VIRMA: variants seen among roughly 807,000 people sequenced by gnomAD.
VIRMA encodes the protein protein virilizer homolog.
Under a neutral mutation model 182.4 loss-of-function variants are expected in VIRMA, and 65 were observed. The observed-to-expected ratio is 0.36, with a 90% CI of 0.29 to 0.44. VIRMA has a LOEUF of 0.44. Among genes scored for constraint, VIRMA ranks in the 20% least tolerant of loss-of-function variants. The probability of loss-of-function intolerance (pLI) is 1.00; values close to 1 mark genes in which losing one functional copy is unlikely to be tolerated. For missense variants in VIRMA, 1,752 were observed against 2,158.1 expected, an observed-to-expected ratio of 0.81 and a Z score of 3.73; for synonymous variants, 709 against 743.1, an observed-to-expected ratio of 0.95 and a Z score of 0.75.
At chr8:94,544,910 G>C (rs1159147014) in intron 1 of VIRMA, among the ~76,000 whole-genome samples, 1 of 151,880 alleles carries the variant, frequency 6.6e-6, no homozygotes, top group South Asian at 2.1e-4. Context: ...GAATAGCCGA[G>C]ATAAACCCCT....
chr8:94,504,734 A>G (rs1814097955), intron 16 of VIRMA, among the ~76,000 whole-genome samples: 1 of 152,200 alleles, frequency 6.6e-6, no homozygotes, highest in African/African-American at 2.4e-5. Context: ...AAGAGGGATC[A>G]GATTCAGGAT....
In VIRMA at chr8:94,534,922, T is replaced by C. The variant is rs143155767; in HGVS notation, c.401A>G (p.His134Arg). ...TGGTGGTGGTGGAGAGTCTCTGTCA[T>C]GACTTATCACTCTATCCACTGATCC... ...IYGSVDRVIS[H>R]DRDSPPPPPP... The change falls in exon 5 of 24, where the codon CAT becomes CGT. Residue 134 changes from histidine (H) to arginine (R), a missense_variant. Around this residue, in one of 11 missense-constraint regions of VIRMA, gnomAD observed 195 missense variants for 191.7 expected, o/e 1.02. Transcript: ENST00000297591. 4 of 1,613,826 alleles carry C rather than the reference T, an allele frequency of 2.5e-6. No homozygotes were observed. Among genetic ancestry groups the C allele is most frequent in the Non-Finnish European group, 3.4e-6 (4 of 1,179,964 alleles).
At chr8:94,549,655 G>A (rs1183965277) in intron 1 of VIRMA, among the ~76,000 whole-genome samples, 1 of 152,162 alleles carries the variant, frequency 6.6e-6, no homozygotes, top group Non-Finnish European at 1.5e-5. Context: ...CCTCTCCTAC[G>A]TAGTTCCACT....
At chr8:94,522,016 T>C (rs1814788986) in intron 8 of VIRMA, among the ~76,000 whole-genome samples, 1 of 152,218 alleles carries the variant, frequency 6.6e-6, no homozygotes, top group Non-Finnish European at 1.5e-5. Context: ...TGGTTCCTTG[T>C]GCCTAAATTA....
intron 6 of VIRMA, among the ~76,000 whole-genome samples, chr8:94,529,622 ATTTTATTTATTAT>A (rs1815091256): frequency 6.9e-6 from 1 of 145,782 alleles, no homozygotes; most frequent in Non-Finnish European, 1.5e-5. Context: ...TTTTTATTTT[ATTTTATTTATTAT>A]TTTTATTTAT....
At chr8:94,530,077 C>T (rs1367394793) in intron 6 of VIRMA, among the ~76,000 whole-genome samples, 1 of 152,184 alleles carries the variant, frequency 6.6e-6, no homozygotes, top group South Asian at 2.1e-4. Flanking sequence ...GCATGAGCCA[C>T]CACACCCAGC....
At chr8:94,502,205 T>G (rs1814012037) in intron 16 of VIRMA, among the ~76,000 whole-genome samples, 1 of 152,090 alleles carries the variant, frequency 6.6e-6, no homozygotes, top group African/African-American at 2.4e-5. Context: ...CTTTTTTAAG[T>G]TGCATGAAAT....
chr8:94,496,140 G>A (rs929451757), intron 18 of VIRMA, 188 bp downstream of exon 18: 2 of 630,960 alleles, frequency 3.2e-6, no homozygotes, highest in South Asian at 4.8e-5. Context: ...CCGTCTTCAT[G>A]TACTCCTTAA....
chr8:94,534,699 CCCTCTCTCCCCCTCTCTT>C (rs1419140124), intron 5 of VIRMA, 122 bp downstream of exon 5: 3 of 900,362 alleles, frequency 3.3e-6, no homozygotes, highest in Non-Finnish European at 5.0e-6. Flanking sequence ...TCTCCTCCCT[CCCTCTCTCCCCCTCTCTT>C]CCTCTCTCCC....
In VIRMA at chr8:94,499,367, T is replaced by C. The variant is rs1443760659; in HGVS notation, c.4230+7A>G. On this transcript the variant is annotated splice_region_variant and intron_variant, in intron 17 of 23. Coordinates refer to ENST00000297591, the MANE Select transcript of VIRMA (RefSeq NM_015496.5). ...ATATACACAAACACAAACACACACA[T>C]ACTTACAATTGTGTCAGAGTTAAGA... The C allele has an allele frequency of 6.5e-7, 1 of 1,535,234 alleles. No homozygotes were observed. The highest frequency in any genetic ancestry group is 8.8e-7 in the Non-Finnish European group (1 of 1,135,292).
chr8:94,510,681 G>A lies in VIRMA; in HGVS notation c.3391-29C>T, dbSNP rs747772592. On this transcript the variant is annotated intron_variant, in intron 13 of 23. Coordinates refer to ENST00000297591, the MANE Select transcript of VIRMA (RefSeq NM_015496.5). ...TTAAAAAAGTATAATGTGTGTGTACGTAGATTTTTTAATATTTATTTATAG... is the reference window on the plus strand; with the variant it reads ...TTAAAAAAGTATAATGTGTGTGTACATAGATTTTTTAATATTTATTTATAG... 5.4e-5 allele frequency: 80 copies of A among 1,490,880 alleles called. 1 individual carries two copies. The East Asian group carries it at 6.6e-4, about 12-fold the overall frequency. 92.4% of individuals were successfully genotyped at this position (1,490,880 alleles called of 1,614,324 possible).
intron 1 of VIRMA, chr8:94,547,128 C>A: frequency 2.4e-6 from 1 of 411,198 alleles, no homozygotes; most frequent in South Asian, 1.8e-5. Context: ...TGCCTCTTAT[C>A]TCTCCCATTA....
intron 1 of VIRMA, among the ~76,000 whole-genome samples, chr8:94,551,252 A>G (rs1815977274): frequency 6.6e-6 from 1 of 152,226 alleles, no homozygotes; most frequent in Non-Finnish European, 1.5e-5. Context: ...TCAAATGAAA[A>G]GTTATCTCTG....
intron 10 of VIRMA, among the ~76,000 whole-genome samples, chr8:94,515,829 G>A (rs1004535300): frequency 1.3e-5 from 2 of 151,906 alleles, no homozygotes; most frequent in African/African-American, 2.4e-5. Context: ...TGGGCGTGGT[G>A]ACTCACGCCT....
chr8:94,517,650 C>A, intron 10 of VIRMA, 138 bp downstream of exon 10: 1 of 515,078 alleles, frequency 1.9e-6, no homozygotes, highest in Non-Finnish European at 3.2e-6. Context: ...AAACTGTCTT[C>A]ATAAAAAGTA....
At position 94,526,768 on chromosome 8, in the gene VIRMA, A is replaced by G. The variant is rs1814985423; in HGVS notation, c.1476T>C (p.Ala492=). The part of the protein sequence containing the change: ...VISGLFELLF[A]DHVSSSLKLN... ...ACTTAAGAGAAGATGATACGTGATC[A>G]GCAAACAGAAGTTCAAATAATCCAC... The change falls in exon 8 of 24, where the codon GCT becomes GCC. Residue 492 remains alanine (A), a synonymous_variant. Coordinates refer to ENST00000297591, the MANE Select transcript of VIRMA (RefSeq NM_015496.5). 1 of 1,613,994 alleles carries G rather than the reference A, an allele frequency of 6.2e-7. No homozygotes were observed. Among genetic ancestry groups the G allele is most frequent in the South Asian group, 1.1e-5 (1 of 91,094 alleles).
intron 1 of VIRMA, among the ~76,000 whole-genome samples, chr8:94,547,601 C>T (rs1001787524): frequency 4.0e-5 from 6 of 150,700 alleles, no homozygotes; most frequent in Non-Finnish European, 8.8e-5. Context: ...CAGGATTTTC[C>T]AGTATCGACC....
chr8:94,521,702 T>G (rs1377869798), intron 8 of VIRMA, among the ~76,000 whole-genome samples: 19 of 152,212 alleles, frequency 1.2e-4, no homozygotes, highest in Admixed American at 1.2e-3. Context: ...GGCCAGAACT[T>G]AATTTTGTCA....
In VIRMA at chr8:94,534,929, T is replaced by TA; in HGVS notation, c.393_394insT (p.Ile132TyrfsTer4). The TA allele has an allele frequency of 6.2e-7, 1 of 1,614,022 alleles. No individual in the cohort carries two copies. The highest frequency in any genetic ancestry group is 8.5e-7 in the Non-Finnish European group (1 of 1,179,984). Reference sequence around the variant, plus strand: ...GGTGGAGAGTCTCTGTCATGACTTATCACTCTATCCACTGATCCATATATT... The same window carrying TA: ...GGTGGAGAGTCTCTGTCATGACTTATACACTCTATCCACTGATCCATATATT... On this transcript the variant is annotated frameshift_variant, in exon 5 of 24. Coordinates refer to ENST00000297591, the MANE Select transcript of VIRMA (RefSeq NM_015496.5). LOFTEE classifies it high-confidence loss of function.
Sources: gnomAD v4.1 joint callset for allele counts (sites outside exome capture counted in the v4.1 genomes callset) on GRCh38, gnomAD v4.1.1 for gene constraint, gnomAD v4.1.1 regional missense constraint, MANE v1.5 for transcripts, NCBI Gene and HGNC (gene_info 2026-07-23, HGNC 2026-07-21) for gene names.